Variants in PACSIN2 observed in about 807,000 individuals in gnomAD.
The protein encoded by PACSIN2 is protein kinase C and casein kinase substrate in neurons 2.
In PACSIN2, 25 loss-of-function variants were observed where a neutral mutation model predicts 63.8. The observed-to-expected ratio is 0.39, with a 90% confidence interval of 0.29 to 0.55. The LOEUF (loss-of-function observed/expected upper bound fraction) is 0.55, where lower values mean the gene tolerates loss of function less well. Ranked by LOEUF, PACSIN2 falls within the 20% of genes least tolerant of loss-of-function variation. The pLI is 0.62. For synonymous variants in PACSIN2, 255 were observed against 256.2 expected, an observed-to-expected ratio of 1.00 and a Z score of 0.05; for missense variants, 518 against 646.9, an observed-to-expected ratio of 0.80 and a Z score of 2.16.
At chr22:42,905,303 C>T (rs2092208) in intron 2 of PACSIN2, among the ~76,000 whole-genome samples, 30,459 of 152,248 alleles carry the variant, frequency 0.2, 5,022 homozygotes, top group East Asian at 0.55. Context: ...TTCCTGTCTC[C>T]GCGTGTGCGA....
intron 1 of PACSIN2, among the ~76,000 whole-genome samples, chr22:42,939,492 C>A (rs1200785330): frequency 6.6e-6 from 1 of 152,152 alleles, no homozygotes; most frequent in Non-Finnish European, 1.5e-5. Context: ...TTAGAGCAGG[C>A]CTAACTGAAC....
chr22:42,954,559 A>C (rs1234564484), intron 1 of PACSIN2, among the ~76,000 whole-genome samples: 2 of 152,130 alleles, frequency 1.3e-5, no homozygotes, highest in Admixed American at 1.3e-4. Context: ...GCACCTGGCT[A>C]ATTTTTTATT....
intron 7 of PACSIN2, among the ~76,000 whole-genome samples, chr22:42,880,450 C>A (rs528835743): frequency 1.3e-5 from 2 of 152,180 alleles, no homozygotes; most frequent in Non-Finnish European, 1.5e-5. Context: ...GGGATCAACA[C>A]CAAGCCGGCA....
intron 2 of PACSIN2, among the ~76,000 whole-genome samples, chr22:42,900,311 C>T (rs6519349): frequency 0.44 from 66,055 of 151,740 alleles, 14,886 homozygotes; most frequent in Non-Finnish European, 0.48. Flanking sequence ...TGTAAGCCTC[C>T]CGCCAAAAGG....
chr22:43,004,814 G>A (rs1923988586), intron 1 of PACSIN2, among the ~76,000 whole-genome samples: 2 of 152,340 alleles, frequency 1.3e-5, no homozygotes, highest in African/African-American at 2.4e-5. Context: ...CTCCCTGGGC[G>A]CTCTGGGCTT....
intron 5 of PACSIN2, among the ~76,000 whole-genome samples, chr22:42,887,541 G>GTC (rs145783860): frequency 6.6e-6 from 1 of 152,026 alleles, no homozygotes; most frequent in Non-Finnish European, 1.5e-5. Context: ...ACCTCATTCC[G>GTC]TCTCTCTCTG....
At chr22:42,911,137 C>T (rs922279413) in intron 2 of PACSIN2, among the ~76,000 whole-genome samples, 17 of 152,014 alleles carry the variant, frequency 1.1e-4, no homozygotes, top group African/African-American at 4.1e-4. Context: ...AACTCCTGAC[C>T]TCAAGATCCA....
At chr22:42,907,980 C>G (rs576402576) in intron 2 of PACSIN2, among the ~76,000 whole-genome samples, 81 of 152,336 alleles carry the variant, frequency 5.3e-4, no homozygotes, top group African/African-American at 1.9e-3. Flanking sequence ...CTACAGGGAG[C>G]GCCTTCCTGG....
At chr22:42,950,285 AC>A (rs1403479581) in intron 1 of PACSIN2, among the ~76,000 whole-genome samples, 1 of 151,954 alleles carries the variant, frequency 6.6e-6, no homozygotes, top group Non-Finnish European at 1.5e-5. Context: ...TATATCAGAG[AC>A]GAGCATCCAT....
At chr22:42,996,404 C>T (rs1043184903) in intron 1 of PACSIN2, among the ~76,000 whole-genome samples, 8 of 152,092 alleles carry the variant, frequency 5.3e-5, no homozygotes, top group African/African-American at 7.2e-5. Context: ...TGGTGGCACA[C>T]GCCCGTAATC....
At chr22:42,923,034 C>T (rs1932297118) in intron 1 of PACSIN2, among the ~76,000 whole-genome samples, 1 of 152,176 alleles carries the variant, frequency 6.6e-6, no homozygotes, top group Non-Finnish European at 1.5e-5. Context: ...AGTGTTGTGG[C>T]TGTCCCAGCA....
At chr22:42,906,896 C>A (rs1931113820) in intron 2 of PACSIN2, among the ~76,000 whole-genome samples, 2 of 152,218 alleles carry the variant, frequency 1.3e-5, no homozygotes, top group Admixed American at 1.3e-4. Flanking sequence ...ATTTTAGCCT[C>A]TTTGTGGGTG....
chr22:42,997,555 CAA>C (rs979384311), intron 1 of PACSIN2, among the ~76,000 whole-genome samples: 2 of 121,542 alleles, frequency 1.6e-5, no homozygotes. Flanking sequence ...GACTCCGTCT[CAA>C]AAAAAAAAAC....
chr22:42,944,175 T>C (rs1476919610), intron 1 of PACSIN2, among the ~76,000 whole-genome samples: 1 of 152,118 alleles, frequency 6.6e-6, no homozygotes, highest in Non-Finnish European at 1.5e-5. Flanking sequence ...GAGAGTGCTG[T>C]CTCCTTAATC....
chr22:42,942,411 G>A (rs1483819528), intron 1 of PACSIN2, among the ~76,000 whole-genome samples: 3 of 152,050 alleles, frequency 2.0e-5, no homozygotes, highest in East Asian at 3.9e-4. Flanking sequence ...TTGTTTTGGT[G>A]TCATATCTAG....
chr22:42,953,938 GAGAGA>G (rs1933807429), intron 1 of PACSIN2, among the ~76,000 whole-genome samples: 1 of 152,172 alleles, frequency 6.6e-6, no homozygotes, highest in South Asian at 2.1e-4. Context: ...TGGTATTCTG[GAGAGA>G]ATAAGAACAG....
intron 1 of PACSIN2, among the ~76,000 whole-genome samples, chr22:43,014,490 C>T (rs1924747106): frequency 6.6e-6 from 1 of 151,812 alleles, no homozygotes; most frequent in African/African-American, 2.4e-5. Context: ...CAGGACTAAG[C>T]CCTGCCCTCT....
At chr22:42,962,215 G>C (rs559843666) in intron 1 of PACSIN2, among the ~76,000 whole-genome samples, 1 of 149,952 alleles carries the variant, frequency 6.7e-6, no homozygotes, top group African/African-American at 2.5e-5. Context: ...GCCCCACTTA[G>C]GGCTGCTGGT....
At chr22:42,984,264 C>G (rs958943900) in intron 1 of PACSIN2, among the ~76,000 whole-genome samples, 2 of 151,726 alleles carry the variant, frequency 1.3e-5, no homozygotes, top group African/African-American at 4.8e-5. Context: ...GAGCTACCAC[C>G]CACTACCTAG....
Sources: gnomAD v4.1 joint callset for allele counts (sites outside exome capture counted in the v4.1 genomes callset) on GRCh38, gnomAD v4.1.1 for gene constraint, MANE v1.5 for transcripts, NCBI Gene and HGNC (gene_info 2026-07-23, HGNC 2026-07-21) for gene names.